The following MACF1 variants were observed in gnomAD, a reference collection of about 807,000 sequenced individuals.
MACF1 encodes microtubule actin crosslinking factor 1.
In MACF1, 193 loss-of-function variants were observed where a neutral mutation model predicts 854.8. The ratio of observed to expected loss-of-function variants is 0.23; its 90% CI spans 0.20 to 0.25. The LOEUF (loss-of-function observed/expected upper bound fraction) is 0.25, where lower values mean the gene tolerates loss of function less well. Ranked by LOEUF, MACF1 falls within the 10% of genes least tolerant of loss-of-function variation. The pLI is 1.00. For synonymous variants in MACF1, 3,185 were observed against 3,226.7 expected (o/e 0.99, Z 0.44); for missense variants, 7,722 against 8,929.1 (o/e 0.86, Z 5.45).
chr1:39,481,118 C>A, intron 99 of MACF1, 88 bp downstream of exon 99: 1 of 757,648 alleles, frequency 1.3e-6, no homozygotes, highest in Non-Finnish European at 2.2e-6. Flanking sequence ...GACACGAATC[C>A]CTGCACTCTT....
At chr1:39,143,188 A>G (rs1028056140) in intron 2 of MACF1, among the ~76,000 whole-genome samples, 4 of 152,284 alleles carry the variant, frequency 2.6e-5, no homozygotes, top group Admixed American at 6.5e-5. Context: ...CTTTCTATCA[A>G]TGTACCTTAA....
intron 28 of MACF1, among the ~76,000 whole-genome samples, 172 bp from the exon 29 acceptor site, chr1:39,317,042 A>G (rs1363930660): frequency 1.3e-5 from 2 of 152,260 alleles, no homozygotes; most frequent in Non-Finnish European, 2.9e-5. Context: ...AGTGTGTATC[A>G]GGAAAGCAGA....
chr1:39,268,887 C>A, intron 6 of MACF1: 1 of 1,289,244 alleles, frequency 7.8e-7, no homozygotes, highest in East Asian at 5.6e-5. Flanking sequence ...GACTGAAACC[C>A]TAACGAAGTT....
chr1:39,411,171 AT>A, intron 58 of MACF1: 1 of 1,613,728 alleles, frequency 6.2e-7, no homozygotes, highest in South Asian at 1.1e-5. Context: ...TAGATCCAGA[AT>A]TGCATGTTCT....
intron 2 of MACF1, among the ~76,000 whole-genome samples, chr1:39,153,228 A>G (rs1204751437): frequency 6.6e-6 from 1 of 152,134 alleles, no homozygotes; most frequent in African/African-American, 2.4e-5. Flanking sequence ...ATCTTTTCCT[A>G]GGTCCTCAGA....
At chr1:39,235,579 A>C (rs987915699) in intron 2 of MACF1, among the ~76,000 whole-genome samples, 1 of 152,206 alleles carries the variant, frequency 6.6e-6, no homozygotes, top group South Asian at 2.1e-4. Flanking sequence ...GCTCAGAAAG[A>C]TTGCATGCAT....
rs775925231 is a variant in MACF1 at position 39,361,668 on chromosome 1, A to G, written c.12762A>G (p.Gln4254=). 21 of 1,614,130 alleles carry G rather than the reference A, an allele frequency of 1.3e-5. No individual in the cohort carries two copies. The South Asian group carries it at 1.8e-4, about 14-fold the overall frequency. The change falls in exon 49 of 101, where the codon CAA becomes CAG. Residue 4254 remains glutamine, a synonymous_variant. Coordinates refer to ENST00000564288, the MANE Select transcript of MACF1 (RefSeq NM_001394062.1). The part of the protein sequence containing the change: ...QPDQDITHFF[Q]QIQELNLEME... ...ATCAAGATATTACACATTTCTTCCAACAGATCCAGGTGAGGATATATCTGC... is the reference window on the plus strand; with the variant it reads ...ATCAAGATATTACACATTTCTTCCAGCAGATCCAGGTGAGGATATATCTGC...
At chr1:39,303,109 C>T in intron 23 of MACF1, 31 bp downstream of exon 23, 1 of 1,607,516 alleles carries the variant, frequency 6.2e-7, no homozygotes, top group East Asian at 2.2e-5. Context: ...CTGGTACACC[C>T]ACCTCTGCTG....
chr1:39,324,072 C>G, intron 33 of MACF1, 121 bp from the exon 34 acceptor site: 1 of 1,003,414 alleles, frequency 1.0e-6, no homozygotes, highest in African/African-American at 1.6e-5. Flanking sequence ...GTTATTTTCA[C>G]AGCCCACTTA....
In MACF1 at chr1:39,353,154, G is replaced by A. The variant is rs1647250177; in HGVS notation, c.11347G>A (p.Ala3783Thr). 1.2e-6 allele frequency: 2 copies of A among 1,613,998 alleles called. No individual in the cohort carries two copies. The highest frequency in any genetic ancestry group is 2.7e-5 in the African/African-American group (2 of 74,920). Residue 3783 changes from alanine to threonine, a missense_variant, in exon 44 of 101, where the codon GCC (alanine) becomes ACC (threonine). Physicochemically the swap from Ala to Thr is moderately conservative, Grantham distance 58. Transcript: ENST00000564288. ...CTCGGGAGCTAGCTTGGAGAAAGGA[G>A]CCTTGGACACCACTGATGGTTACAT... Reference protein sequence around the residue: ...QLSGASLEKGALDTTDGYMGV... With the variant: ...QLSGASLEKGTLDTTDGYMGV...
intron 2 of MACF1, among the ~76,000 whole-genome samples, chr1:39,231,704 T>TTA (rs1644779579): frequency 6.6e-6 from 1 of 151,878 alleles, no homozygotes; most frequent in African/African-American, 2.4e-5. Flanking sequence ...TTTTTTTTTT[T>TTA]AATTTATTAA....
At chr1:39,269,813 T>C (rs1487711965) in intron 6 of MACF1, 2 of 1,056,780 alleles carry the variant, frequency 1.9e-6, no homozygotes, top group East Asian at 1.2e-4. Context: ...AGTGAGGATG[T>C]TGGTGCCTCT....
chr1:39,272,728 T>A (rs1375075147), intron 6 of MACF1, among the ~76,000 whole-genome samples: 1 of 152,202 alleles, frequency 6.6e-6, no homozygotes, highest in Non-Finnish European at 1.5e-5. Flanking sequence ...CTTGCTAGTG[T>A]AGGGTTTAGA....
At chr1:39,422,333 T>G in intron 58 of MACF1, 41 bp from the exon 59 acceptor site, 4 of 1,573,786 alleles carry the variant, frequency 2.5e-6, no homozygotes, top group Non-Finnish European at 3.5e-6. Context: ...GAGAGTCTAA[T>G]AGCCTTTGTA....
At position 39,287,497 on chromosome 1, in the gene MACF1, T is replaced by A; in HGVS notation, c.1720T>A (p.Ser574Thr). Residue 574 changes from serine (S) to threonine (T), a missense_variant, in exon 15 of 101, where the codon TCC (serine) becomes ACC (threonine). Transcript: ENST00000564288. ...TCGGGCTGAACTTGTGGCCATCAGC[T>A]CCTCTGAAGATGAAGGCAATCTCCG... ...MTRAELVAIS[S>T]SEDEGNLRFV... 2.5e-6 allele frequency: 4 copies of A among 1,614,222 alleles called. No individual in the cohort carries two copies. The highest frequency in any genetic ancestry group is 3.4e-6 in the Non-Finnish European group (4 of 1,180,048).
rs951666092 is a variant in MACF1 at position 39,379,103 on chromosome 1, C to T, written c.13277-100C>T. ...TAGCAGGAAGATAATCTCTAATTCA[C>T]TAGAAGGAGTAAGAGAGATGCAAGT... On this transcript the variant is annotated intron_variant, in intron 53 of 100. Coordinates refer to ENST00000564288, the MANE Select transcript of MACF1 (RefSeq NM_001394062.1). 13 of 1,199,062 alleles carry T rather than the reference C, an allele frequency of 1.1e-5. No homozygotes were observed. In the East Asian group the frequency reaches 3.0e-4, roughly 27 times the overall value. The allele number at this position is 1,199,062 out of a possible 1,614,324, so 74.3% of individuals were successfully genotyped here.
chr1:39,421,870 C>G (rs550431712), intron 58 of MACF1, among the ~76,000 whole-genome samples: 4 of 152,016 alleles, frequency 2.6e-5, no homozygotes, highest in Admixed American at 1.3e-4. Flanking sequence ...GTCAGGAGAT[C>G]GAGACCATCC....
chr1:39,414,153 A>G, intron 58 of MACF1: 1 of 1,610,488 alleles, frequency 6.2e-7, no homozygotes, highest in Non-Finnish European at 8.5e-7. Context: ...CCGCCTCCCC[A>G]GCAGCAGCAG....
rs1297075485 is a variant in MACF1 at position 39,333,689 on chromosome 1, C to A, written c.7101C>A (p.Asp2367Glu). The change falls in exon 37 of 101, where the codon GAC becomes GAA. Residue 2367 changes from aspartate to glutamate, a missense_variant. Physicochemically the swap from Asp to Glu is conservative, Grantham distance 45. Transcript: ENST00000564288. ...TATTACATAATGTCCTCATGGCAGA[C>A]AAAGCTATAAGTGGTGTCTTAGACC... ...EKLLHNVLMADKAISGVLDPR... is the reference protein window; with the variant it reads ...EKLLHNVLMAEKAISGVLDPR... 1.2e-6 allele frequency: 2 copies of A among 1,614,126 alleles called. No homozygotes were observed. Among genetic ancestry groups the A allele is most frequent in the South Asian group, 2.2e-5 (2 of 91,086 alleles).
Sources: allele counts gnomAD v4.1 joint callset (sites outside exome capture counted in the v4.1 genomes callset), GRCh38; gene constraint gnomAD v4.1.1; transcripts MANE v1.5; gene names NCBI Gene and HGNC (gene_info 2026-07-23, HGNC 2026-07-21).